Variants in ABHD17C observed in about 807,000 individuals in gnomAD.
ABHD17C encodes abhydrolase domain containing 17C, depalmitoylase.
A neutral mutation model predicts 27.9 loss-of-function variants in ABHD17C; 11 were observed. The ratio of observed to expected loss-of-function variants is 0.39; its 90% confidence interval spans 0.25 to 0.65. The LOEUF is 0.65. Among genes scored for constraint, ABHD17C ranks in the 30% least tolerant of loss-of-function variants. The probability of loss-of-function intolerance (pLI) is 0.45; values close to 1 mark genes in which losing one functional copy is unlikely to be tolerated. For missense variants in ABHD17C, 280 were observed against 470.2 expected, an observed-to-expected ratio of 0.60 and a Z score of 3.74; for synonymous variants, 233 against 209.1, an observed-to-expected ratio of 1.11 and a Z score of -0.98.
At chr15:80,704,821 G>A (rs1006193568) in intron 1 of ABHD17C, 2 of 152,232 alleles carry the variant, frequency 1.3e-5, no homozygotes, top group Non-Finnish European at 2.9e-5. Flanking sequence ...TTGAAGAATA[G>A]ACTACAATTA....
intron 2 of ABHD17C, among the ~76,000 whole-genome samples, chr15:80,752,003 C>T (rs1479831792): frequency 6.6e-6 from 1 of 152,104 alleles, no homozygotes; most frequent in African/African-American, 2.4e-5. Flanking sequence ...CAAATTTAAA[C>T]AAAAGGAAAA....
chr15:80,716,611 G>A (rs758070680), intron 1 of ABHD17C, among the ~76,000 whole-genome samples: 2 of 152,052 alleles, frequency 1.3e-5, no homozygotes, highest in Non-Finnish European at 2.9e-5. Flanking sequence ...CCTAGTTCTC[G>A]GTTGTCATTC....
rs1567028483 is a variant in ABHD17C at position 80,695,443 on chromosome 15, G to T, written c.14G>T (p.Gly5Val). The change falls in exon 1 of 3, where the codon GGC (glycine) becomes GTC (valine). Residue 5 changes from glycine to valine, a missense_variant. Transcript: ENST00000258884. The surrounding 1 kb of genome is among the most constrained non-coding windows in gnomAD (Gnocchi z 4.3). MPEP[G>V]PRMNGFSLGE... ...CAGGCCGTCCCGATGCCCGAGCCAG[G>T]CCCCAGGATGAACGGCTTCTCGCTG... is the stretch of plus-strand genomic sequence containing the variant. 2 of 1,353,452 alleles carry T rather than the reference G, an allele frequency of 1.5e-6. No individual in the cohort carries two copies. The highest frequency in any genetic ancestry group is 1.3e-5 in the South Asian group (1 of 75,392). The allele number at this position is 1,353,452 out of a possible 1,614,324, so 83.8% of individuals were successfully genotyped here. A position where few individuals can be genotyped will look rare whatever the true frequency, so the allele number is the denominator to read the frequency against.
At position 80,716,972 on chromosome 15, in the gene ABHD17C, C is replaced by T. The variant is rs184853641; in HGVS notation, c.590+20953C>T. The stretch of plus-strand genomic sequence containing the variant: ...GGTCTGTTCCCCCATGACCTCATCT[C>T]GCCAGTTAATGAGGCTTAAAGATGA... On this transcript the variant is annotated intron_variant, in intron 1 of 2. Coordinates refer to ENST00000258884, the MANE Select transcript of ABHD17C (RefSeq NM_021214.2). 2.2e-3 allele frequency among the ~76,000 whole-genome samples: 334 copies of T among 152,270 alleles called. 1 individual carries two copies. The highest frequency in any genetic ancestry group is 3.8e-3 in the Non-Finnish European group (261 of 68,018).
chr15:80,720,304 G>A (rs146629783), intron 1 of ABHD17C, among the ~76,000 whole-genome samples: 18 of 151,416 alleles, frequency 1.2e-4, no homozygotes, highest in African/African-American at 4.1e-4. Flanking sequence ...TGGGCCCCCT[G>A]TTTTCCAGTT....
At chr15:80,729,101 A>G (rs1258231515) in intron 1 of ABHD17C, among the ~76,000 whole-genome samples, 1 of 152,188 alleles carries the variant, frequency 6.6e-6, no homozygotes, top group Non-Finnish European at 1.5e-5. Flanking sequence ...CTTGTTTATT[A>G]TCGTATCTTC....
intron 1 of ABHD17C, among the ~76,000 whole-genome samples, chr15:80,743,893 G>A (rs1351613953): frequency 2.0e-5 from 3 of 152,156 alleles, no homozygotes; most frequent in African/African-American, 7.2e-5. Flanking sequence ...CTTCTGTGTC[G>A]CCTATATTGT....
rs779474573 is a variant in ABHD17C at position 80,695,486 on chromosome 15, C to T, written c.57C>T (p.Leu19=). 2.9e-6 allele frequency: 4 copies of T among 1,394,698 alleles called. No homozygotes were observed. The highest frequency in any genetic ancestry group is 4.8e-5 in the Admixed American group (2 of 41,760). 86.4% of individuals were successfully genotyped at this position (1,394,698 alleles called of 1,614,324 possible). A position where few individuals can be genotyped will look rare whatever the true frequency, so the allele number is the denominator to read the frequency against. The change falls in exon 1 of 3, where the codon CTC becomes CTT. Residue 19 remains leucine, a synonymous_variant. Transcript: ENST00000258884. The surrounding 1 kb of genome is among the most constrained non-coding windows in gnomAD (Gnocchi z 4.3). ...TCTCGCTGGGTGAGCTGTGCTGGCT[C>T]TTCTGCTGCCCGCCCTGCCCGAGCC... ...NGFSLGELCW[L]FCCPPCPSRI...
chr15:80,720,461 G>A (rs1307853010), intron 1 of ABHD17C, among the ~76,000 whole-genome samples: 1 of 152,142 alleles, frequency 6.6e-6, no homozygotes. Context: ...GAATGTAGAA[G>A]GCATTGTCCT....
At chr15:80,711,192 T>G (rs1013165524) in intron 1 of ABHD17C, among the ~76,000 whole-genome samples, 1 of 152,194 alleles carries the variant, frequency 6.6e-6, no homozygotes, top group African/African-American at 2.4e-5. Context: ...TCTGGCTCCG[T>G]AGCATCTTTG....
At chr15:80,708,371 A>G (rs1894678455) in intron 1 of ABHD17C, among the ~76,000 whole-genome samples, 2 of 152,146 alleles carry the variant, frequency 1.3e-5, no homozygotes, top group South Asian at 2.1e-4. Flanking sequence ...GCTGGAGTAC[A>G]GTGGCATGAT....
intron 1 of ABHD17C, 116 bp from the exon 2 acceptor site, chr15:80,749,397 T>G: frequency 9.6e-7 from 1 of 1,042,000 alleles, no homozygotes; most frequent in Non-Finnish European, 1.4e-6. Context: ...AGTTAGATGA[T>G]ATGGTTTTAA....
intron 1 of ABHD17C, among the ~76,000 whole-genome samples, 167 bp from the exon 2 acceptor site, chr15:80,749,346 G>A (rs141220613): frequency 2.6e-4 from 39 of 152,280 alleles, no homozygotes; most frequent in Non-Finnish European, 3.2e-4. Flanking sequence ...CCTAACAATT[G>A]TTTTTGTCAA....
intron 1 of ABHD17C, among the ~76,000 whole-genome samples, chr15:80,728,881 G>A (rs1895018892): frequency 1.3e-5 from 2 of 152,162 alleles, no homozygotes; most frequent in Admixed American, 1.3e-4. Flanking sequence ...AAAGTGCTGG[G>A]ATTACAGGAA....
intron 2 of ABHD17C, among the ~76,000 whole-genome samples, chr15:80,752,562 A>G (rs913730991): frequency 1.3e-5 from 2 of 152,234 alleles, no homozygotes; most frequent in African/African-American, 4.8e-5. Context: ...ATTAAATATT[A>G]AAAGAGATTT....
intron 1 of ABHD17C, among the ~76,000 whole-genome samples, chr15:80,738,363 C>G (rs972959854): frequency 2.0e-5 from 3 of 152,082 alleles, no homozygotes; most frequent in Non-Finnish European, 2.9e-5. Flanking sequence ...GTCTGAGCAC[C>G]ATGGAGGGGA....
At chr15:80,718,871 G>A (rs1413191663) in intron 1 of ABHD17C, among the ~76,000 whole-genome samples, 1 of 152,148 alleles carries the variant, frequency 6.6e-6, no homozygotes, top group Non-Finnish European at 1.5e-5. Flanking sequence ...TAATAACTTT[G>A]TGTAACTTTG....
At chr15:80,734,222 C>T (rs534648466) in intron 1 of ABHD17C, among the ~76,000 whole-genome samples, 1 of 152,196 alleles carries the variant, frequency 6.6e-6, no homozygotes, top group East Asian at 1.9e-4. Flanking sequence ...TGGGCCCAAG[C>T]AATCCTCCCA....
chr15:80,715,153 TCTAA>T (rs757829491), intron 1 of ABHD17C, among the ~76,000 whole-genome samples: 4 of 152,228 alleles, frequency 2.6e-5, no homozygotes, highest in Admixed American at 6.5e-5. Context: ...TTCTATATTG[TCTAA>T]CTGTTTTCTG....
Sources: gnomAD v4.1 joint callset for allele counts (sites outside exome capture counted in the v4.1 genomes callset) on GRCh38, gnomAD v4.1.1 for gene constraint, Gnocchi (gnomAD v3.1) non-coding constraint, MANE v1.5 for transcripts, NCBI Gene and HGNC (gene_info 2026-07-23, HGNC 2026-07-21) for gene names.